The following JARID2 variants were observed in gnomAD, a reference collection of about 807,000 sequenced individuals.
JARID2 encodes jumonji and AT-rich interaction domain containing 2.
In JARID2, 21 loss-of-function variants were observed where a neutral mutation model predicts 125.6. The ratio of observed to expected loss-of-function variants is 0.17; its 90% CI spans 0.12 to 0.24. The LOEUF is 0.24. Among genes scored for constraint, JARID2 ranks in the 10% least tolerant of loss-of-function variants. JARID2 has a pLI of 1.00. For missense variants in JARID2, 1,303 were observed against 1,639.6 expected (o/e 0.79, Z 3.55); for synonymous variants, 736 against 661.6 (o/e 1.11, Z -1.73).
chr6:15,370,166 T>C (rs939860526), intron 1 of JARID2, among the ~76,000 whole-genome samples: 1 of 152,168 alleles, frequency 6.6e-6, no homozygotes, highest in Admixed American at 6.5e-5. Flanking sequence ...AGGCATGTTT[T>C]AGGAGCTGGG....
At chr6:15,499,134 C>G (rs528405281) in intron 7 of JARID2, among the ~76,000 whole-genome samples, 2 of 152,272 alleles carry the variant, frequency 1.3e-5, no homozygotes, top group South Asian at 4.2e-4. Context: ...ACATTCTGTC[C>G]CAGGGGTACT....
intron 5 of JARID2, among the ~76,000 whole-genome samples, chr6:15,480,245 G>T (rs899480367): frequency 6.6e-6 from 1 of 152,020 alleles, no homozygotes; most frequent in Non-Finnish European, 1.5e-5. Context: ...CCATCTTCAG[G>T]GTCTTCTTTT....
chr6:15,372,119 A>G (rs1415873653), intron 1 of JARID2, among the ~76,000 whole-genome samples: 1 of 152,208 alleles, frequency 6.6e-6, no homozygotes, highest in African/African-American at 2.4e-5. Context: ...TGAAGTTTGT[A>G]TTTATGCAGA....
chr6:15,498,407 C>A (rs1770569361), intron 7 of JARID2, among the ~76,000 whole-genome samples: 1 of 152,166 alleles, frequency 6.6e-6, no homozygotes, highest in African/African-American at 2.4e-5. Context: ...TCCCCTGTAG[C>A]CCTCCTTCCC....
intron 1 of JARID2, among the ~76,000 whole-genome samples, chr6:15,361,379 T>A (rs1227301396): frequency 6.6e-6 from 1 of 152,144 alleles, no homozygotes; most frequent in East Asian, 1.9e-4. Context: ...TCTCCAGTGG[T>A]TTCCCATTTA....
chr6:15,417,715 C>G (rs1413656922), intron 3 of JARID2, among the ~76,000 whole-genome samples: 1 of 152,010 alleles, frequency 6.6e-6, no homozygotes, highest in East Asian at 1.9e-4. Flanking sequence ...ACACTCCATC[C>G]TGGGGGACAG....
intron 1 of JARID2, among the ~76,000 whole-genome samples, chr6:15,353,689 C>T (rs1488126520): frequency 6.6e-6 from 1 of 152,018 alleles, no homozygotes. Flanking sequence ...AATTGTAAAC[C>T]CCTTCAACCA....
intron 4 of JARID2, among the ~76,000 whole-genome samples, chr6:15,461,407 T>C (rs1768442761): frequency 6.6e-6 from 1 of 152,160 alleles, no homozygotes; most frequent in Admixed American, 6.5e-5. Context: ...CCTGGGTGCT[T>C]GTTTGCACTA....
At chr6:15,468,169 C>CTTTTTTTTTT (rs10700305) in intron 4 of JARID2, among the ~76,000 whole-genome samples, 1 of 134,846 alleles carries the variant, frequency 7.4e-6, no homozygotes, top group African/African-American at 2.7e-5. Flanking sequence ...TCTTCTCTGT[C>CTTTTTTTTTT]TTTTTTTTTT....
At chr6:15,503,315 A>G (rs2282818) in intron 8 of JARID2, among the ~76,000 whole-genome samples, 116,345 of 152,264 alleles carry the variant, frequency 0.76, 44,466 homozygotes, top group East Asian at 0.81. Flanking sequence ...ACAGACTATC[A>G]GGAGCGGCTT....
chr6:15,288,851 T>G (rs563750227), intron 1 of JARID2, among the ~76,000 whole-genome samples: 39 of 152,362 alleles, frequency 2.6e-4, no homozygotes, highest in African/African-American at 8.7e-4. Context: ...GAATCTTACT[T>G]GGATTTTGCC....
chr6:15,390,025 G>A (rs888614565), intron 2 of JARID2, among the ~76,000 whole-genome samples: 1 of 152,190 alleles, frequency 6.6e-6, no homozygotes, highest in Admixed American at 6.5e-5. Context: ...GAGGAGGGCG[G>A]TGCTTGAGTG....
chr6:15,329,027 C>T (rs1333248730), intron 1 of JARID2, among the ~76,000 whole-genome samples: 1 of 151,954 alleles, frequency 6.6e-6, no homozygotes, highest in Non-Finnish European at 1.5e-5. Flanking sequence ...TCTTCTTTTT[C>T]CCTTGGGGCC....
chr6:15,350,124 C>G (rs946525570), intron 1 of JARID2, among the ~76,000 whole-genome samples: 26 of 152,066 alleles, frequency 1.7e-4, no homozygotes, highest in Admixed American at 7.2e-4. Flanking sequence ...TAACACGCGG[C>G]TGGAATTTGG....
chr6:15,263,372 TA>T (rs1363072778), intron 1 of JARID2, among the ~76,000 whole-genome samples: 2 of 150,586 alleles, frequency 1.3e-5, no homozygotes, highest in Admixed American at 6.6e-5. Context: ...ACCTAGAAAT[TA>T]TCCCTGATTT....
intron 13 of JARID2, among the ~76,000 whole-genome samples, chr6:15,511,621 GC>G (rs574513843): frequency 5.9e-5 from 9 of 152,198 alleles, no homozygotes; most frequent in Non-Finnish European, 1.0e-4. Context: ...CTGTTTTGGG[GC>G]TTGTTTGTGT....
At chr6:15,428,391 G>T (rs893354319) in intron 3 of JARID2, among the ~76,000 whole-genome samples, 5 of 152,006 alleles carry the variant, frequency 3.3e-5, no homozygotes, top group Non-Finnish European at 7.4e-5. Context: ...TTTAGCATTA[G>T]GTATGTCTCC....
At chr6:15,347,671 G>A (rs1763287061) in intron 1 of JARID2, among the ~76,000 whole-genome samples, 1 of 152,162 alleles carries the variant, frequency 6.6e-6, no homozygotes, top group Non-Finnish European at 1.5e-5. Flanking sequence ...TTTCCACTTT[G>A]TGTATGTTGG....
At chr6:15,468,773 T>C in intron 5 of JARID2, 55 bp downstream of exon 5, 2 of 1,532,366 alleles carry the variant, frequency 1.3e-6, no homozygotes. Context: ...GGGTGAGAGC[T>C]GGAAGAGAGC....
Sources: allele counts gnomAD v4.1 joint callset (sites outside exome capture counted in the v4.1 genomes callset), GRCh38; gene constraint gnomAD v4.1.1; transcripts MANE v1.5; gene names NCBI Gene and HGNC (gene_info 2026-07-23, HGNC 2026-07-21).